The following IPO7 variants were observed in gnomAD, a reference collection of about 807,000 sequenced individuals.
IPO7 encodes the protein importin-7.
Under a neutral mutation model 136.4 loss-of-function variants are expected in IPO7, and 13 were observed. The ratio of observed to expected loss-of-function variants is 0.10; its 90% CI spans 0.06 to 0.15. The LOEUF (loss-of-function observed/expected upper bound fraction) is 0.15. IPO7 is among the 10% of genes least tolerant of loss of function. IPO7 has a pLI of 1.00. For missense variants in IPO7, 857 were observed against 1,240.6 expected, an observed-to-expected ratio of 0.69 and a Z score of 4.65; for synonymous variants, 403 against 404.4, an observed-to-expected ratio of 1.00 and a Z score of 0.04.
At chr11:9,419,424 T>TGGTG (rs1477821726) in intron 6 of IPO7, among the ~76,000 whole-genome samples, 1 of 151,604 alleles carries the variant, frequency 6.6e-6, no homozygotes, top group Non-Finnish European at 1.5e-5. Flanking sequence ...GGTGCAAGCC[T>TGGTG]GTAGTCCCAG....
intron 23 of IPO7, among the ~76,000 whole-genome samples, 162 bp from the exon 24 acceptor site, chr11:9,441,919 T>C (rs920592140): frequency 6.6e-6 from 1 of 152,232 alleles, no homozygotes; most frequent in African/African-American, 2.4e-5. Flanking sequence ...TTCCTATATC[T>C]GTTGTTTCAC....
At chr11:9,397,341 A>AAATATATATATATATAT in intron 1 of IPO7, among the ~76,000 whole-genome samples, 9 of 10,762 alleles carry the variant, frequency 8.4e-4, no homozygotes, top group Non-Finnish European at 1.1e-3. Flanking sequence ...TTTAAAAAAA[A>AAATATATATATATATAT]ATATATATAT....
intron 5 of IPO7, among the ~76,000 whole-genome samples, chr11:9,415,833 G>A (rs1009059554): frequency 2.7e-5 from 4 of 150,816 alleles, no homozygotes; most frequent in Admixed American, 6.6e-5. Flanking sequence ...GCAAGACTCC[G>A]TCCCAAAAAA....
At chr11:9,414,214 AAAT>A in intron 4 of IPO7, 38 bp from the exon 5 acceptor site, 1 of 1,455,556 alleles carries the variant, frequency 6.9e-7, no homozygotes, top group South Asian at 1.3e-5. Flanking sequence ...ACAATTGTGG[AAAT>A]AAATTCTTAC....
At chr11:9,430,141 C>T (rs1590448199) in intron 15 of IPO7, among the ~76,000 whole-genome samples, 1 of 152,134 alleles carries the variant, frequency 6.6e-6, no homozygotes, top group African/African-American at 2.4e-5. Flanking sequence ...GCTCACTCAC[C>T]TACCACTTAT....
chr11:9,422,235 C>T (rs1289488829), intron 8 of IPO7, among the ~76,000 whole-genome samples: 1 of 151,954 alleles, frequency 6.6e-6, no homozygotes, highest in Non-Finnish European at 1.5e-5. Flanking sequence ...GCCGAGATTG[C>T]ACCATTGAGC....
At chr11:9,425,855 G>C (rs1298065302) in intron 12 of IPO7, among the ~76,000 whole-genome samples, 3 of 149,894 alleles carry the variant, frequency 2.0e-5, no homozygotes, top group South Asian at 2.2e-4. Context: ...ATCCAGCCTG[G>C]GCGACAGAGT....
At chr11:9,409,233 C>T (rs1330619857) in intron 3 of IPO7, among the ~76,000 whole-genome samples, 1 of 151,822 alleles carries the variant, frequency 6.6e-6, no homozygotes, top group African/African-American at 2.4e-5. Flanking sequence ...CTCAGTCTCC[C>T]GAGTAGCTGG....
chr11:9,401,030 A>C (rs1291111877), intron 1 of IPO7, among the ~76,000 whole-genome samples: 1 of 151,994 alleles, frequency 6.6e-6, no homozygotes, highest in African/African-American at 2.4e-5. Context: ...AAAATACAAA[A>C]ATTAGCTGGG....
chr11:9,432,989 G>GCTTTTTT (rs1855318247), intron 16 of IPO7: 1 of 123,226 alleles, frequency 8.1e-6, no homozygotes, highest in Non-Finnish European at 1.7e-5. Context: ...CTTCCAAATG[G>GCTTTTTT]TTTTTTTTTT....
intron 1 of IPO7, among the ~76,000 whole-genome samples, chr11:9,390,408 A>G (rs1165498553): frequency 6.6e-6 from 1 of 151,956 alleles, no homozygotes; most frequent in Non-Finnish European, 1.5e-5. Flanking sequence ...ATTTGATTCC[A>G]TTTTATTAAA....
intron 23 of IPO7, among the ~76,000 whole-genome samples, chr11:9,441,022 T>C (rs1590455573): frequency 6.6e-6 from 1 of 152,360 alleles, no homozygotes; most frequent in Non-Finnish European, 1.5e-5. Flanking sequence ...GTATCCTTTT[T>C]TCCTGCCCAA....
chr11:9,440,344 C>G (rs568364101), intron 22 of IPO7, 111 bp from the exon 23 acceptor site: 7 of 846,698 alleles, frequency 8.3e-6, no homozygotes, highest in Admixed American at 6.3e-5. Context: ...CTGGAGCTCT[C>G]TCTTGTCACT....
chr11:9,437,658 A>C (rs969439387), intron 20 of IPO7, 96 bp from the exon 21 acceptor site: 11 of 856,256 alleles, frequency 1.3e-5, no homozygotes, highest in Non-Finnish European at 2.0e-5. Context: ...TAATGCTACA[A>C]TAGGGTTAAT....
At chr11:9,390,957 A>T (rs1393184837) in intron 1 of IPO7, among the ~76,000 whole-genome samples, 1 of 151,836 alleles carries the variant, frequency 6.6e-6, no homozygotes, top group African/African-American at 2.4e-5. Flanking sequence ...TTTGGTAGAG[A>T]TGGGGTTTCA....
At chr11:9,443,037 C>CA (rs935018192) in intron 24 of IPO7, among the ~76,000 whole-genome samples, 5 of 151,252 alleles carry the variant, frequency 3.3e-5, no homozygotes, top group Non-Finnish European at 7.4e-5. Flanking sequence ...AAAACAGAAA[C>CA]AAAAAAAACT....
intron 8 of IPO7, among the ~76,000 whole-genome samples, chr11:9,421,869 G>T (rs546588967): frequency 6.6e-6 from 1 of 150,712 alleles, no homozygotes; most frequent in Non-Finnish European, 1.5e-5. Flanking sequence ...GCGTGAACCT[G>T]GGGGGTGCAG....
chr11:9,443,591 CAAAA>C (rs55819044), intron 24 of IPO7, among the ~76,000 whole-genome samples: 1 of 69,480 alleles, frequency 1.4e-5, no homozygotes, highest in Non-Finnish European at 3.0e-5. Flanking sequence ...AACTCCGTCT[CAAAA>C]AAAAAAAAAA....
chr11:9,441,746 G>T (rs1434972445), intron 23 of IPO7, among the ~76,000 whole-genome samples: 1 of 152,184 alleles, frequency 6.6e-6, no homozygotes, highest in African/African-American at 2.4e-5. Flanking sequence ...CTTTAGCTCT[G>T]AATCTTTTAA....
Sources: gnomAD v4.1 joint callset for allele counts (sites outside exome capture counted in the v4.1 genomes callset) on GRCh38, gnomAD v4.1.1 for gene constraint, MANE v1.5 for transcripts, NCBI Gene and HGNC (gene_info 2026-07-23, HGNC 2026-07-21) for gene names.